The following DTNA variants were observed in gnomAD, a reference collection of about 807,000 sequenced individuals.
DTNA encodes dystrophin-related protein 3.
DTNA carries 43 observed loss-of-function variants against 100.7 expected under a neutral mutation model. That is an observed-to-expected ratio of 0.43 (90% confidence interval 0.33 to 0.55). The LOEUF (loss-of-function observed/expected upper bound fraction) is 0.55. Among genes scored for constraint, DTNA ranks in the 20% least tolerant of loss-of-function variants. DTNA has a pLI of 0.04. For synonymous variants in DTNA, 349 were observed against 347.9 expected, an observed-to-expected ratio of 1.00 and a Z score of -0.04; for missense variants, 798 against 953.9, an observed-to-expected ratio of 0.84 and a Z score of 2.15.
At chr18:34,561,301 TATA>T (rs1294799268) in intron 1 of DTNA, among the ~76,000 whole-genome samples, 1 of 152,206 alleles carries the variant, frequency 6.6e-6, no homozygotes, top group Non-Finnish European at 1.5e-5. Context: ...AGATGAAATT[TATA>T]ATACTATCAT....
chr18:34,610,231 A>G (rs2053962575), intron 1 of DTNA, among the ~76,000 whole-genome samples: 2 of 152,180 alleles, frequency 1.3e-5, no homozygotes, highest in African/African-American at 2.4e-5. Context: ...GGAGACTTCT[A>G]TAGGCTAAGG....
chr18:34,794,863 C>G (rs2094903238), intron 4 of DTNA, among the ~76,000 whole-genome samples: 1 of 152,206 alleles, frequency 6.6e-6, no homozygotes, highest in African/African-American at 2.4e-5. Context: ...ATCTTAAAGG[C>G]TGTTCGTCCA....
intron 1 of DTNA, among the ~76,000 whole-genome samples, chr18:34,616,211 A>G (rs938181861): frequency 2.2e-4 from 34 of 152,332 alleles, no homozygotes; most frequent in African/African-American, 6.5e-4. Context: ...CTAGCAACGT[A>G]TAAGTGCTCC....
chr18:34,860,477 A>G (rs1171020160), intron 16 of DTNA, among the ~76,000 whole-genome samples: 2 of 152,124 alleles, frequency 1.3e-5, no homozygotes, highest in African/African-American at 2.4e-5. Flanking sequence ...AACCCTTGTC[A>G]GAATTAGTCC....
rs1282596063 is a variant in DTNA, at chr18:34,821,159, GA to G, written c.1001+247del. The stretch of plus-strand genomic sequence containing the variant: ...TCACCTGGAGGTGGAAAATATTTCA[GA>G]AAGCTTAGTTATAAAATACGGATGT... On this transcript the variant is annotated intron_variant, in intron 9 of 22. Coordinates refer to ENST00000444659, the MANE Select transcript of DTNA (RefSeq NM_001386795.1). 3.4e-5 allele frequency: 22 copies of G among 640,790 alleles called. No individual in the cohort carries two copies. In the East Asian group the frequency reaches 7.2e-4, roughly 21 times the overall value. 39.7% of individuals were successfully genotyped at this position (640,790 alleles called of 1,614,324 possible). A position where few individuals can be genotyped will look rare whatever the true frequency, so the allele number is the denominator to read the frequency against.
intron 1 of DTNA, among the ~76,000 whole-genome samples, chr18:34,665,350 T>G (rs1223605699): frequency 6.6e-6 from 1 of 152,182 alleles, no homozygotes; most frequent in Admixed American, 6.6e-5. Context: ...AACTGCTACA[T>G]TTGTATACAA....
chr18:34,670,969 G>A (rs1463790589), intron 1 of DTNA, among the ~76,000 whole-genome samples: 1 of 152,196 alleles, frequency 6.6e-6, no homozygotes, highest in Non-Finnish European at 1.5e-5. Flanking sequence ...GGACATTCAA[G>A]TCTGCAGAGG....
chr18:34,515,519 G>T (rs1268343782), intron 1 of DTNA, among the ~76,000 whole-genome samples: 1 of 152,034 alleles, frequency 6.6e-6, no homozygotes, highest in African/African-American at 2.4e-5. Flanking sequence ...AGTTGTATTT[G>T]TGAAATAAGC....
At chr18:34,881,899 C>A (rs2096877074) in intron 20 of DTNA, among the ~76,000 whole-genome samples, 170 bp from the exon 21 acceptor site, 1 of 152,090 alleles carries the variant, frequency 6.6e-6, no homozygotes, top group South Asian at 2.1e-4. Context: ...CGCTTCAAAC[C>A]TCCAAAATGT....
At chr18:34,760,688 TG>T (rs1233183141) in intron 2 of DTNA, among the ~76,000 whole-genome samples, 1 of 152,210 alleles carries the variant, frequency 6.6e-6, no homozygotes, top group Non-Finnish European at 1.5e-5. Context: ...GCCAAGCAGC[TG>T]GGCACAGCTC....
chr18:34,645,071 A>G (rs746593985), intron 1 of DTNA, among the ~76,000 whole-genome samples: 4 of 152,114 alleles, frequency 2.6e-5, no homozygotes, highest in Non-Finnish European at 4.4e-5. Flanking sequence ...AGAAAACTCA[A>G]TGTTTTCCTA....
chr18:34,787,703 T>C (rs979347885), intron 3 of DTNA, among the ~76,000 whole-genome samples: 1 of 152,142 alleles, frequency 6.6e-6, no homozygotes, highest in African/African-American at 2.4e-5. Flanking sequence ...ATTAAAAATA[T>C]CTCTTGAGAT....
At chr18:34,525,686 A>C (rs1172326671) in intron 1 of DTNA, among the ~76,000 whole-genome samples, 1 of 152,182 alleles carries the variant, frequency 6.6e-6, no homozygotes, top group Admixed American at 6.6e-5. Flanking sequence ...GCTGAGTGGT[A>C]GAACTAGAAA....
At chr18:34,692,049 T>G (rs775704671) in intron 1 of DTNA, among the ~76,000 whole-genome samples, 1 of 152,230 alleles carries the variant, frequency 6.6e-6, no homozygotes, top group Non-Finnish European at 1.5e-5. Flanking sequence ...TCTCATGTTA[T>G]TTCTCTTTTT....
intron 11 of DTNA, among the ~76,000 whole-genome samples, chr18:34,829,878 A>G (rs2095960789): frequency 6.6e-6 from 1 of 152,200 alleles, no homozygotes; most frequent in Non-Finnish European, 1.5e-5. Flanking sequence ...GGCTAGGACA[A>G]TGTCATGTAG....
Position 34,826,210 on chromosome 18 carries a change from A to C in DTNA, c.1002-1383A>C, listed in dbSNP as rs377649957. ...AGCTACCTTGAAAAAAGTTTTGATG[A>C]ATTTGTTATTTTTTATTTTTTTATT... On this transcript the variant is annotated intron_variant, in intron 9 of 22. Transcript: ENST00000444659. Among the ~76,000 whole-genome samples, 16 of 152,146 alleles carry C rather than the reference A, an allele frequency of 1.1e-4. No homozygotes were observed. In the South Asian group the frequency reaches 2.3e-3, roughly 22 times the overall value.
intron 1 of DTNA, among the ~76,000 whole-genome samples, chr18:34,688,549 A>C (rs756927650): frequency 1.8e-4 from 28 of 152,028 alleles, no homozygotes; most frequent in Non-Finnish European, 7.4e-5. Context: ...GGGTAACGCG[A>C]CCTTTCTCTC....
At chr18:34,571,398 A>T (rs1171106740) in intron 1 of DTNA, among the ~76,000 whole-genome samples, 1 of 152,178 alleles carries the variant, frequency 6.6e-6, no homozygotes, top group Non-Finnish European at 1.5e-5. Context: ...TCACCCAGGA[A>T]AAGAGACTTG....
At chr18:34,555,657 T>A (rs1387689464) in intron 1 of DTNA, among the ~76,000 whole-genome samples, 1 of 152,176 alleles carries the variant, frequency 6.6e-6, no homozygotes, top group Non-Finnish European at 1.5e-5. Context: ...CAGGAGCAGG[T>A]TGTTCAGTTT....
Sources: allele counts gnomAD v4.1 joint callset (sites outside exome capture counted in the v4.1 genomes callset), GRCh38; gene constraint gnomAD v4.1.1; transcripts MANE v1.5; gene names NCBI Gene and HGNC (gene_info 2026-07-23, HGNC 2026-07-21).